Variants in CEP41 observed in about 807,000 individuals in gnomAD.
CEP41 encodes the protein centrosomal protein 41.
Under a neutral mutation model 44.3 loss-of-function variants are expected in CEP41, and 32 were observed. That is an observed-to-expected ratio of 0.72 (90% confidence interval 0.54 to 0.97). CEP41 has a LOEUF of 0.97. CEP41 is among the 50% of genes least tolerant of loss of function. The probability of loss-of-function intolerance (pLI) is 0.00; values close to 1 mark genes in which losing one functional copy is unlikely to be tolerated. For synonymous variants in CEP41, 151 were observed against 168.5 expected, an observed-to-expected ratio of 0.90 and a Z score of 0.80; for missense variants, 432 against 455.2, an observed-to-expected ratio of 0.95 and a Z score of 0.46.
intron 3 of CEP41, among the ~76,000 whole-genome samples, chr7:130,415,560 G>A (rs557395182): frequency 2.0e-5 from 3 of 152,220 alleles, no homozygotes; most frequent in Non-Finnish European, 2.9e-5. Flanking sequence ...TCACCTCCAC[G>A]TAAGGTTTAG....
At chr7:130,421,932 G>T in intron 2 of CEP41, 1 of 1,535,186 alleles carries the variant, frequency 6.5e-7, no homozygotes, top group South Asian at 1.2e-5. Context: ...ACGCAGCCAG[G>T]GATTTCATCA....
chr7:130,399,207 G>T, intron 10 of CEP41, 168 bp from the exon 11 acceptor site: 1 of 775,372 alleles, frequency 1.3e-6, no homozygotes, highest in Non-Finnish European at 2.1e-6. Flanking sequence ...TCATCCTTGA[G>T]ATCAGCCTGA....
At chr7:130,402,032 G>T in intron 7 of CEP41, 84 bp from the exon 8 acceptor site, 1 of 911,108 alleles carries the variant, frequency 1.1e-6, no homozygotes, top group South Asian at 1.3e-5. Context: ...TAAAATCTAA[G>T]AGTTAAATAC....
At chr7:130,433,887 A>G (rs887548925) in intron 1 of CEP41, among the ~76,000 whole-genome samples, 4 of 152,222 alleles carry the variant, frequency 2.6e-5, no homozygotes, top group Admixed American at 6.5e-5. Context: ...TGAAGACCTG[A>G]GCAACATGTA....
intron 6 of CEP41, among the ~76,000 whole-genome samples, chr7:130,403,836 C>T (rs189665275): frequency 6.6e-6 from 1 of 152,200 alleles, no homozygotes; most frequent in African/African-American, 2.4e-5. Flanking sequence ...AGAGTCCTCT[C>T]GCAAAAGTAA....
At position 130,394,596 on chromosome 7, in the gene CEP41, C is replaced by G. The variant is rs4728195; in HGVS notation, c.*4295G>C. On this transcript the variant is annotated 3_prime_UTR_variant, in exon 11 of 11. Transcript: ENST00000223208. The stretch of plus-strand genomic sequence containing the variant: ...CTGGGTACTTCCTGTAGAGGGAGAT[C>G]TAAAAACCTCAGGGTTTTGAATGCC... 0.34 allele frequency: 155,598 copies of G among 453,184 alleles called. 27,615 individuals are homozygous for G. The highest frequency in any genetic ancestry group is 0.45 in the Middle Eastern group (646 of 1,442). 28.1% of individuals were successfully genotyped at this position (453,184 alleles called of 1,614,324 possible).
intron 6 of CEP41, among the ~76,000 whole-genome samples, chr7:130,403,002 A>C (rs1467535829): frequency 6.6e-6 from 1 of 152,224 alleles, no homozygotes; most frequent in African/African-American, 2.4e-5. Context: ...ACTGGACCCC[A>C]CAGAGGAGAC....
intron 1 of CEP41, 132 bp downstream of exon 1, chr7:130,440,802 C>T (rs190139819): frequency 1.7e-5 from 13 of 761,912 alleles, no homozygotes; most frequent in Non-Finnish European, 2.2e-5. Flanking sequence ...CCCCTGCATC[C>T]CGACCCCTCC....
intron 1 of CEP41, 152 bp downstream of exon 1, chr7:130,440,782 G>GCCCGCCCCGC (rs58073772): frequency 1.9e-6 from 1 of 530,604 alleles, no homozygotes; most frequent in African/African-American, 2.0e-5. Flanking sequence ...CCCAAGCCCG[G>GCCCGCCCCGC]CCCGCCCCGC....
chr7:130,434,124 C>A (rs1204060018), intron 1 of CEP41, among the ~76,000 whole-genome samples: 3 of 152,116 alleles, frequency 2.0e-5, no homozygotes, highest in Non-Finnish European at 4.4e-5. Flanking sequence ...ACTTTAAAAG[C>A]AAGTTTAAAG....
intron 5 of CEP41, among the ~76,000 whole-genome samples, chr7:130,407,964 T>C (rs1797064106): frequency 6.6e-6 from 1 of 152,176 alleles, no homozygotes; most frequent in Non-Finnish European, 1.5e-5. Context: ...AAATTAGCTC[T>C]TTAATATAAT....
chr7:130,400,627 C>T (rs1330156458), intron 9 of CEP41, 80 bp downstream of exon 9: 2 of 893,894 alleles, frequency 2.2e-6, no homozygotes, highest in African/African-American at 3.3e-5. Flanking sequence ...ATTCTGAGCA[C>T]CAAGAGAGAA....
intron 2 of CEP41, chr7:130,422,085 C>A (rs1797526582): frequency 8.0e-6 from 12 of 1,508,122 alleles, no homozygotes; most frequent in South Asian, 1.2e-5. Context: ...TGTTTGAGTT[C>A]ATATGAGAAG....
Position 130,398,556 on chromosome 7 carries a change from A to G in CEP41, c.*335T>C, listed in dbSNP as rs1796741021. On this transcript the variant is annotated 3_prime_UTR_variant, in exon 11 of 11. Coordinates refer to ENST00000223208, the MANE Select transcript of CEP41 (RefSeq NM_018718.3). ...ACAAAACAACACAGAGAGACCCAAC[A>G]AGCTGGACCTTATTAAAAAAAAACA... is the stretch of plus-strand genomic sequence containing the variant. 2.1e-6 allele frequency: 1 copy of G among 477,054 alleles called. No individual in the cohort carries two copies. Among genetic ancestry groups the G allele is most frequent in the East Asian group, 6.3e-5 (1 of 15,894 alleles). The allele number at this position is 477,054 out of a possible 1,614,324, so 29.6% of individuals were successfully genotyped here.
At chr7:130,409,465 A>G (rs1338638374) in intron 5 of CEP41, among the ~76,000 whole-genome samples, 2 of 152,206 alleles carry the variant, frequency 1.3e-5, no homozygotes, top group African/African-American at 4.8e-5. Context: ...AGGAGCTCTT[A>G]TTTCTCTGCT....
chr7:130,417,568 A>G (rs148527911), intron 2 of CEP41, among the ~76,000 whole-genome samples: 5 of 152,332 alleles, frequency 3.3e-5, no homozygotes, highest in African/African-American at 1.2e-4. Context: ...GAAACTGCAG[A>G]GAGGCCCCAG....
chr7:130,411,992 G>A (rs1797195336), intron 4 of CEP41, 187 bp downstream of exon 4: 1 of 587,464 alleles, frequency 1.7e-6, no homozygotes. Context: ...AAAGAAGAGA[G>A]AAACATTTCT....
chr7:130,441,062 T>C, upstream of CEP41: 1 of 1,332,100 alleles, frequency 7.5e-7, no homozygotes, highest in Non-Finnish European at 1.1e-6. Flanking sequence ...CGCCTCCCTA[T>C]ACCCTCTTCT....
chr7:130,436,317 A>G (rs565530754), intron 1 of CEP41, among the ~76,000 whole-genome samples: 4 of 152,258 alleles, frequency 2.6e-5, no homozygotes, highest in Non-Finnish European at 5.9e-5. Flanking sequence ...AAAAGGTCAC[A>G]TACTGTATGA....
Sources: gnomAD v4.1 joint callset for allele counts (sites outside exome capture counted in the v4.1 genomes callset) on GRCh38, gnomAD v4.1.1 for gene constraint, MANE v1.5 for transcripts, NCBI Gene and HGNC (gene_info 2026-07-23, HGNC 2026-07-21) for gene names.